GTPBP4: variants seen among roughly 807,000 people sequenced by gnomAD.
The protein encoded by GTPBP4 is GTP binding protein 4, also known as GTP-binding protein 4.
GTPBP4 carries 15 observed loss-of-function variants against 81.7 expected under a neutral mutation model. That is an observed-to-expected ratio of 0.18 (90% CI 0.12 to 0.28). The LOEUF (loss-of-function observed/expected upper bound fraction) is 0.28, where lower values mean the gene tolerates loss of function less well. GTPBP4 is among the 10% of genes least tolerant of loss of function. The pLI is 1.00. For synonymous variants in GTPBP4, 272 were observed against 274.6 expected (o/e 0.99, Z 0.09); for missense variants, 847 against 793.8 (o/e 1.07, Z -0.81).
chr10:993,601 CA>C (rs1256208864), intron 2 of GTPBP4, among the ~76,000 whole-genome samples: 1 of 151,918 alleles, frequency 6.6e-6, no homozygotes, highest in Non-Finnish European at 1.5e-5. Context: ...GGCAAACTAA[CA>C]AAGCCTTATG....
intron 15 of GTPBP4, among the ~76,000 whole-genome samples, chr10:1,014,622 G>A (rs954893770): frequency 1.3e-5 from 2 of 152,164 alleles, no homozygotes; most frequent in Non-Finnish European, 2.9e-5. Flanking sequence ...TCGTGCCCCT[G>A]TACTCCAGCC....
intron 14 of GTPBP4, among the ~76,000 whole-genome samples, chr10:1,013,105 TC>T (rs1321122520): frequency 6.6e-6 from 1 of 151,760 alleles, no homozygotes; most frequent in Non-Finnish European, 1.5e-5. Flanking sequence ...TGCCTCAGCC[TC>T]CCGAGTAGCT....
intron 10 of GTPBP4, chr10:1,008,398 T>G (rs1317993988): frequency 5.7e-6 from 2 of 350,852 alleles, no homozygotes; most frequent in Non-Finnish European, 1.1e-5. Context: ...AGAGTGAGAC[T>G]CTGTCAAAAA....
At chr10:992,437 C>G (rs1831461820) in intron 1 of GTPBP4, 52 bp from the exon 2 acceptor site, 3 of 1,076,552 alleles carry the variant, frequency 2.8e-6, no homozygotes, top group Non-Finnish European at 4.2e-6. Flanking sequence ...AAATAAATGG[C>G]TCAAAAGTAG....
At chr10:1,014,168 A>G in intron 14 of GTPBP4, 79 bp from the exon 15 acceptor site, 2 of 824,028 alleles carry the variant, frequency 2.4e-6, no homozygotes, top group South Asian at 1.4e-5. Flanking sequence ...AAATATGTAT[A>G]CATATATATT....
Position 1,017,438 on chromosome 10 carries a change from T to C in GTPBP4, c.*211T>C, listed in dbSNP as rs563540639. 2.2e-5 allele frequency: 9 copies of C among 415,820 alleles called. No individual in the cohort carries two copies. The highest frequency in any genetic ancestry group is 1.8e-4 in the African/African-American group (9 of 49,430). 25.8% of individuals were successfully genotyped at this position (415,820 alleles called of 1,614,324 possible). ...TATTACAAATATTTTGAGTAGACAG[T>C]GTTTCCACATTTAATGGAGTATCAG... On this transcript the variant is annotated 3_prime_UTR_variant, in exon 17 of 17. Transcript: ENST00000360803.
intron 6 of GTPBP4, among the ~76,000 whole-genome samples, chr10:999,587 C>G (rs1370950520): frequency 6.6e-6 from 1 of 152,210 alleles, no homozygotes; most frequent in Non-Finnish European, 1.5e-5. Flanking sequence ...TGGATTTCTG[C>G]ATTTTCTTAA....
chr10:1,019,822 CCTCTGGA>C lies in GTPBP4; in HGVS notation c.*2596_*2602del. On this transcript the variant is annotated 3_prime_UTR_variant, in exon 17 of 17. Transcript: ENST00000360803. ...TGATAGATTGTCATGAACACAATGT[CCTCTGGA>C]GAAATCTATTGACAGAAATTGGTGC... 1.2e-6 allele frequency: 2 copies of C among 1,612,350 alleles called. No individual in the cohort carries two copies.
Position 1,013,335 on chromosome 10 carries a change from C to T in GTPBP4, c.1542+673C>T, listed in dbSNP as rs940988831. On this transcript the variant is annotated intron_variant, in intron 14 of 16. Transcript: ENST00000360803. ...TTAAATCTGGACTCTTTAGGCCGGG[C>T]GCAGTGGCTCACGCCTGTAATCTCA... Among the ~76,000 whole-genome samples the T allele has an allele frequency of 4.6e-5, 7 of 150,674 alleles. 1 individual carries two copies. The South Asian group carries it at 1.3e-3, about 28-fold the overall frequency.
intron 1 of GTPBP4, among the ~76,000 whole-genome samples, chr10:989,895 C>G (rs970779808): frequency 2.0e-4 from 30 of 152,116 alleles, no homozygotes; most frequent in Non-Finnish European, 3.5e-4. Context: ...CGCCACCAGG[C>G]CTGGCTAATT....
In GTPBP4 at chr10:999,010, G is replaced by A; in HGVS notation, c.569G>A (p.Arg190Lys). ...AGTTCTCACTTGTTCCAGGTGACGA[G>A]AGCAGACGTGGATGTCCAGCCCTAT... ...GKSSFINKVT[R>K]ADVDVQPYAF... The change falls in exon 6 of 17, where the codon AGA becomes AAA. Residue 190 changes from arginine (R) to lysine (K), a missense_variant. By Grantham distance (26) the Arg-to-Lys change is conservative. This residue lies in a region of GTPBP4 where 600 missense variants were observed against 557.1 expected (regional missense o/e 1.08). Coordinates refer to ENST00000360803, the MANE Select transcript of GTPBP4 (RefSeq NM_012341.3). 1.9e-6 allele frequency: 3 copies of A among 1,588,948 alleles called. No individual in the cohort carries two copies. Among genetic ancestry groups the A allele is most frequent in the Non-Finnish European group, 2.6e-6 (3 of 1,156,900 alleles).
At chr10:1,010,374 A>G (rs765305125) in intron 12 of GTPBP4, 46 bp from the exon 13 acceptor site, 2 of 951,724 alleles carry the variant, frequency 2.1e-6, no homozygotes, top group South Asian at 1.3e-5. Context: ...GTACTTGAAG[A>G]TATTAAAAAC....
chr10:1,019,923 C>A lies in GTPBP4; in HGVS notation c.*2696C>A. The A allele has an allele frequency of 9.7e-7, 1 of 1,026,422 alleles. No individual in the cohort carries two copies. Among genetic ancestry groups the A allele is most frequent in the Non-Finnish European group, 1.5e-6 (1 of 686,498 alleles). 63.6% of individuals were successfully genotyped at this position (1,026,422 alleles called of 1,614,324 possible). On this transcript the variant is annotated 3_prime_UTR_variant, in exon 17 of 17. Coordinates refer to ENST00000360803, the MANE Select transcript of GTPBP4 (RefSeq NM_012341.3). Reference sequence around the variant, plus strand: ...TAGAGAAAATAAACACATTTGTTTTCCTCAGAAAATGAACACTTTCTTTGG... The same window carrying A: ...TAGAGAAAATAAACACATTTGTTTTACTCAGAAAATGAACACTTTCTTTGG...
chr10:1,009,178 C>G (rs1016951425), intron 11 of GTPBP4, 143 bp downstream of exon 11: 1 of 637,508 alleles, frequency 1.6e-6, no homozygotes, highest in African/African-American at 1.8e-5. Context: ...CAGTGAGTCC[C>G]CCTGCAGAAG....
At chr10:1,008,183 C>T (rs1239865666) in intron 10 of GTPBP4, 7 of 452,724 alleles carry the variant, frequency 1.5e-5, no homozygotes, top group Non-Finnish European at 2.7e-5. Context: ...GAGGCCGAGG[C>T]GGGTGGATCA....
At chr10:1,005,522 C>T (rs1831712969) in intron 8 of GTPBP4, among the ~76,000 whole-genome samples, 2 of 152,164 alleles carry the variant, frequency 1.3e-5, no homozygotes, top group East Asian at 1.9e-4. Flanking sequence ...CTGTGATGCC[C>T]TCTGGAGCTC....
At position 1,010,507 on chromosome 10, in the gene GTPBP4, C is replaced by G; in HGVS notation, c.1331C>G (p.Pro444Arg). The G allele has an allele frequency of 6.6e-7, 1 of 1,524,666 alleles. No homozygotes were observed. Among genetic ancestry groups the G allele is most frequent in the Non-Finnish European group, 9.1e-7 (1 of 1,098,472 alleles). 94.4% of individuals were successfully genotyped at this position (1,524,666 alleles called of 1,614,324 possible). A position where few individuals can be genotyped will look rare whatever the true frequency, so the allele number is the denominator to read the frequency against. ...EGHNIADYIDPAIMKKLEELE... is the reference protein window; with the variant it reads ...EGHNIADYIDRAIMKKLEELE... The stretch of plus-strand genomic sequence containing the variant: ...CATAATATAGCTGATTATATTGATC[C>G]AGCCATCATGAAGGTTTGTGTCACT... The change falls in exon 13 of 17, where the codon CCA (proline) becomes CGA (arginine). Residue 444 changes from proline to arginine, a missense_variant. Physicochemically the swap from Pro to Arg is moderately radical, Grantham distance 103. Transcript: ENST00000360803.
intron 11 of GTPBP4, 22 bp downstream of exon 11, chr10:1,009,057 C>T (rs1273423984): frequency 1.3e-6 from 2 of 1,562,030 alleles, no homozygotes; most frequent in East Asian, 2.2e-5. Context: ...AAGCTCTCGC[C>T]CAGTGTTCTC....
intron 8 of GTPBP4, among the ~76,000 whole-genome samples, chr10:1,005,429 C>T (rs770718074): frequency 6.6e-6 from 1 of 152,216 alleles, no homozygotes; most frequent in Non-Finnish European, 1.5e-5. Context: ...CAGGCATGAG[C>T]CACCGCGCCT....
Sources: gnomAD v4.1 joint callset for allele counts (sites outside exome capture counted in the v4.1 genomes callset) on GRCh38, gnomAD v4.1.1 for gene constraint, gnomAD v4.1.1 regional missense constraint, MANE v1.5 for transcripts, NCBI Gene and HGNC (gene_info 2026-07-23, HGNC 2026-07-21) for gene names.